The following CD27 variants were observed in gnomAD, a reference collection of about 807,000 sequenced individuals.
The protein encoded by CD27 is CD27 molecule, also known as CD27 antigen.
Under a neutral mutation model 25.9 loss-of-function variants are expected in CD27, and 16 were observed. The ratio of observed to expected loss-of-function variants is 0.62; its 90% confidence interval spans 0.42 to 0.94. CD27 has a LOEUF of 0.94. CD27 is among the 40% of genes least tolerant of loss of function. CD27 has a pLI of 0.00. For missense variants in CD27, 300 were observed against 333.2 expected, an observed-to-expected ratio of 0.90 and a Z score of 0.78; for synonymous variants, 142 against 124.3, an observed-to-expected ratio of 1.14 and a Z score of -0.95.
chr12:6,445,020 G>A lies in CD27; in HGVS notation c.-76G>A, dbSNP rs953061028. The A allele has an allele frequency of 1.4e-5, 21 of 1,460,226 alleles. No individual in the cohort carries two copies. Among genetic ancestry groups the A allele is most frequent in the East Asian group, 1.0e-4 (4 of 39,984 alleles). The allele number at this position is 1,460,226 out of a possible 1,614,324, so 90.5% of individuals were successfully genotyped here. A position where few individuals can be genotyped will look rare whatever the true frequency, so the allele number is the denominator to read the frequency against. On this transcript the variant is annotated 5_prime_UTR_variant, in exon 1 of 6. Coordinates refer to ENST00000266557, the MANE Select transcript of CD27 (RefSeq NM_001242.5). This position sits in a 1 kb window ranked among gnomAD's most constrained non-coding sequence, Gnocchi z 4.5. ...GGGGGTGCAAAGAAGAGACAGCAGC[G>A]CCCAGCTTGGAGGTGCTAACTCCAG...
Position 6,445,576 on chromosome 12 carries a change from T to C in CD27, c.268+21T>C, listed in dbSNP as rs899704819. The C allele has an allele frequency of 1.9e-6, 3 of 1,611,192 alleles. No individual in the cohort carries two copies. Among genetic ancestry groups the C allele is most frequent in the East Asian group, 2.2e-5 (1 of 44,856 alleles). On this transcript the variant is annotated intron_variant, in intron 2 of 5. Coordinates refer to ENST00000266557, the MANE Select transcript of CD27 (RefSeq NM_001242.5). The surrounding 1 kb of genome is among the most constrained non-coding windows in gnomAD (Gnocchi z 4.5). ...CTCTGGTGAGGTGGGCAAGGGTGTGTAGGTGGGGACGATGGACAAGCATCT... is the reference window on the plus strand; with the variant it reads ...CTCTGGTGAGGTGGGCAAGGGTGTGCAGGTGGGGACGATGGACAAGCATCT...
chr12:6,449,895 G>A (rs923121142), intron 2 of CD27, among the ~76,000 whole-genome samples: 5 of 152,136 alleles, frequency 3.3e-5, no homozygotes, highest in African/African-American at 1.2e-4. Flanking sequence ...GAGTACAAGA[G>A]AAAGTCATAT....
Position 6,445,930 on chromosome 12 carries a change from T to C in CD27, c.268+375T>C, listed in dbSNP as rs1949409724. Among the ~76,000 whole-genome samples the C allele has an allele frequency of 6.6e-6, 1 of 152,114 alleles. No individual in the cohort carries two copies. Among genetic ancestry groups the C allele is most frequent in the Non-Finnish European group, 1.5e-5 (1 of 68,010 alleles). On this transcript the variant is annotated intron_variant, in intron 2 of 5. Transcript: ENST00000266557. This position sits in a 1 kb window ranked among gnomAD's most constrained non-coding sequence, Gnocchi z 4.5. Reference sequence around the variant, plus strand: ...CATGTGCAGGTTGGCCATTGGGAATTTGGAATACATCTTTCTAAGGAAATA... The same window carrying C: ...CATGTGCAGGTTGGCCATTGGGAATCTGGAATACATCTTTCTAAGGAAATA...
At position 6,451,436 on chromosome 12, in the gene CD27, C is replaced by T. The variant is rs1949546306; in HGVS notation, c.*44C>T. On this transcript the variant is annotated 3_prime_UTR_variant, in exon 6 of 6. Transcript: ENST00000266557. ...TGCACTACAGCCCTGGCCTCCACCC[C>T]CACCCCGCCGACCATCCAAGGGAGA... 2 of 1,586,258 alleles carry T rather than the reference C, an allele frequency of 1.3e-6. No homozygotes were observed. The highest frequency in any genetic ancestry group is 8.6e-7 in the Non-Finnish European group (1 of 1,167,502).
intron 5 of CD27, 95 bp from the exon 6 acceptor site, chr12:6,451,172 AC>A: frequency 6.7e-7 from 1 of 1,497,550 alleles, no homozygotes; most frequent in Non-Finnish European, 9.0e-7. Flanking sequence ...TGCTCCTGAC[AC>A]CCCTCCCCCA....
intron 5 of CD27, 64 bp downstream of exon 5, chr12:6,451,078 C>T (rs1237327475): frequency 6.2e-7 from 1 of 1,605,984 alleles, no homozygotes; most frequent in Non-Finnish European, 8.5e-7. Context: ...CTCAACCCCA[C>T]TGCCCACGCC....
chr12:6,451,276 G>T lies in CD27; in HGVS notation c.667G>T (p.Glu223Ter), dbSNP rs1196490782. 1 of 1,614,044 alleles carries T rather than the reference G, an allele frequency of 6.2e-7. No individual in the cohort carries two copies. Among genetic ancestry groups the T allele is most frequent in the East Asian group, 2.2e-5 (1 of 44,886 alleles). The change falls in exon 6 of 6, where the codon GAA becomes TAA. Residue 223 changes from glutamate (E) to a stop codon, truncating the protein, a stop_gained. Coordinates refer to ENST00000266557, the MANE Select transcript of CD27 (RefSeq NM_001242.5). LOFTEE classifies it high-confidence loss of function. The part of the protein sequence containing the change: ...QRRKYRSNKG[E>*]SPVEPAEPCH... ...CGGATCTCCTTCTGCAGACAAAGGAGAAAGTCCTGTGGAGCCTGCAGAGCC... is the reference window on the plus strand; with the variant it reads ...CGGATCTCCTTCTGCAGACAAAGGATAAAGTCCTGTGGAGCCTGCAGAGCC...
At position 6,450,514 on chromosome 12, in the gene CD27, C is replaced by T. The variant is rs1379762002; in HGVS notation, c.449-27C>T. On this transcript the variant is annotated intron_variant, in intron 3 of 5. Transcript: ENST00000266557. This position sits in a 1 kb window ranked among gnomAD's most constrained non-coding sequence, Gnocchi z 4.1. ...ATGTGCCCTATGGGGTCCCCTGCTGCTACTCATTCTGTCTCTGTTTTTCCA... is the reference window on the plus strand; with the variant it reads ...ATGTGCCCTATGGGGTCCCCTGCTGTTACTCATTCTGTCTCTGTTTTTCCA... 3 of 1,606,794 alleles carry T rather than the reference C, an allele frequency of 1.9e-6. No individual in the cohort carries two copies. The highest frequency in any genetic ancestry group is 2.6e-6 in the Non-Finnish European group (3 of 1,174,620).
chr12:6,451,488 T>G lies in CD27; in HGVS notation c.*96T>G. ...TGAGACCTGGCAGCCACAACTGCAG[T>G]CCCATCCTCTTGTCAGGGCCCTTTC... On this transcript the variant is annotated 3_prime_UTR_variant, in exon 6 of 6. Transcript: ENST00000266557. 2.3e-6 allele frequency: 3 copies of G among 1,308,816 alleles called. No individual in the cohort carries two copies. Among genetic ancestry groups the G allele is most frequent in the Non-Finnish European group, 3.2e-6 (3 of 945,610 alleles). The allele number at this position is 1,308,816 out of a possible 1,614,324, so 81.1% of individuals were successfully genotyped here.
At position 6,445,388 on chromosome 12, in the gene CD27, C is replaced by T. The variant is rs1228755751; in HGVS notation, c.137-36C>T. 7 of 1,612,962 alleles carry T rather than the reference C, an allele frequency of 4.3e-6. No individual in the cohort carries two copies. The highest frequency in any genetic ancestry group is 2.7e-5 in the African/African-American group (2 of 74,914). ...CCTTGAAGAGGGCAGAGAACCAGCC[C>T]TTCTCAGGCCTTGATCCCTTACCCT... On this transcript the variant is annotated intron_variant, in intron 1 of 5. Transcript: ENST00000266557. The surrounding 1 kb of genome is among the most constrained non-coding windows in gnomAD (Gnocchi z 4.5).
At position 6,445,220 on chromosome 12, in the gene CD27, T is replaced by C. The variant is rs879501929; in HGVS notation, c.125T>C (p.Met42Thr). Residue 42 changes from methionine (M) to threonine (T), a missense_variant, in exon 1 of 6, where the codon ATG becomes ACG. Coordinates refer to ENST00000266557, the MANE Select transcript of CD27 (RefSeq NM_001242.5). The surrounding 1 kb of genome is among the most constrained non-coding windows in gnomAD (Gnocchi z 4.5). The part of the protein sequence containing the change: ...YWAQGKLCCQ[M>T]CEPGTFLVKD... ...GCTCAGGGAAAGCTGTGCTGCCAGA[T>C]GTGTGAGCCAGGTAAGAGGGGGCCT... 6.2e-7 allele frequency: 1 copy of C among 1,613,924 alleles called. No individual in the cohort carries two copies. Among genetic ancestry groups the C allele is most frequent in the Admixed American group, 1.7e-5 (1 of 59,970 alleles).
chr12:6,450,464 C>A lies in CD27; in HGVS notation c.449-77C>A. ...TCAGCCTGTTTCTGCCTTCCCATCC[C>A]ATCCAGCACCTCTCAGGCCTTCAGA... is the stretch of plus-strand genomic sequence containing the variant. On this transcript the variant is annotated intron_variant, in intron 3 of 5. Coordinates refer to ENST00000266557, the MANE Select transcript of CD27 (RefSeq NM_001242.5). The surrounding 1 kb of genome is among the most constrained non-coding windows in gnomAD (Gnocchi z 4.1). 1 of 1,538,664 alleles carries A rather than the reference C, an allele frequency of 6.5e-7. No individual in the cohort carries two copies. The highest frequency in any genetic ancestry group is 2.3e-5 in the East Asian group (1 of 44,370).
In CD27 at chr12:6,451,425, G is replaced by A. The variant is rs1263268195; in HGVS notation, c.*33G>A. On this transcript the variant is annotated 3_prime_UTR_variant, in exon 6 of 6. Coordinates refer to ENST00000266557, the MANE Select transcript of CD27 (RefSeq NM_001242.5). The stretch of plus-strand genomic sequence containing the variant: ...CCTGCGGGAGCTGCACTACAGCCCT[G>A]GCCTCCACCCCCACCCCGCCGACCA... 3.1e-6 allele frequency: 5 copies of A among 1,599,816 alleles called. No individual in the cohort carries two copies. Among genetic ancestry groups the A allele is most frequent in the Non-Finnish European group, 4.3e-6 (5 of 1,173,862 alleles).
rs750991471 is a variant in CD27 at position 6,450,881 on chromosome 12, C to G, written c.539-14C>G. On this transcript the variant is annotated splice_polypyrimidine_tract_variant and intron_variant, in intron 4 of 5. Transcript: ENST00000266557. The surrounding 1 kb of genome is among the most constrained non-coding windows in gnomAD (Gnocchi z 4.1). ...GACCCTCCCCTAACCCCTGTGTGTC[C>G]CCTCCTATTACAGCCCAAAGATCCC... The G allele has an allele frequency of 2.5e-6, 4 of 1,614,080 alleles. No homozygotes were observed. Among genetic ancestry groups the G allele is most frequent in the Middle Eastern group, 1.6e-4 (1 of 6,062 alleles).
intron 2 of CD27, among the ~76,000 whole-genome samples, chr12:6,446,328 G>C (rs1949416475): frequency 6.6e-6 from 1 of 152,206 alleles, no homozygotes; most frequent in African/African-American, 2.4e-5. Context: ...TAGAGACAAG[G>C]TCTAGCTCTG....
At chr12:6,448,210 C>G (rs1019312149) in intron 2 of CD27, 1 of 152,272 alleles carries the variant, frequency 6.6e-6, no homozygotes, top group African/African-American at 2.4e-5. Flanking sequence ...TTGACATTCT[C>G]TCTTTGACAT....
chr12:6,444,652 C>CG (rs1192328921), upstream of CD27, among the ~76,000 whole-genome samples: 36 of 43,218 alleles, frequency 8.3e-4, no homozygotes, highest in Admixed American at 2.4e-3. Context: ...AAACTGTGGA[C>CG]GGGGGGGTGG....
At chr12:6,448,743 C>CAA (rs1949464633) in intron 2 of CD27, 1 of 152,070 alleles carries the variant, frequency 6.6e-6, no homozygotes, top group Non-Finnish European at 1.5e-5. Context: ...CCAACCTGGG[C>CAA]GACAAAGCAA....
At chr12:6,446,601 G>A (rs1238780572) in intron 2 of CD27, among the ~76,000 whole-genome samples, 1 of 152,002 alleles carries the variant, frequency 6.6e-6, no homozygotes, top group Non-Finnish European at 1.5e-5. Context: ...GACCAGCTGG[G>A]CAACATAGTG....
Sources: allele counts gnomAD v4.1 joint callset (sites outside exome capture counted in the v4.1 genomes callset), GRCh38; gene constraint gnomAD v4.1.1; non-coding constraint Gnocchi (gnomAD v3.1); transcripts MANE v1.5; gene names NCBI Gene and HGNC (gene_info 2026-07-23, HGNC 2026-07-21).